GRID2: variants seen among roughly 807,000 people sequenced by gnomAD.
The protein encoded by GRID2 is glutamate receptor ionotropic, delta-2.
Under a neutral mutation model 114.8 loss-of-function variants are expected in GRID2, and 33 were observed. The observed-to-expected ratio is 0.29, with a 90% CI of 0.22 to 0.38. The LOEUF (loss-of-function observed/expected upper bound fraction) is 0.38. GRID2 is among the 10% of genes least tolerant of loss of function. GRID2 has a pLI of 1.00. For missense variants in GRID2, 1,184 were observed against 1,257.7 expected (o/e 0.94, Z 0.89); for synonymous variants, 505 against 449.9 (o/e 1.12, Z -1.55).
At chr4:92,701,270 T>C (rs1176733654) in intron 2 of GRID2, among the ~76,000 whole-genome samples, 1 of 152,190 alleles carries the variant, frequency 6.6e-6, no homozygotes, top group East Asian at 1.9e-4. Context: ...CTTAAATCGT[T>C]CCTAGAACTC....
At chr4:93,319,896 A>G (rs1279759602) in intron 8 of GRID2, 1 of 152,120 alleles carries the variant, frequency 6.6e-6, no homozygotes, top group Non-Finnish European at 1.5e-5. Context: ...CCTACCCAAT[A>G]CCTTAATTTC....
intron 2 of GRID2, among the ~76,000 whole-genome samples, chr4:92,946,789 C>A (rs1751669141): frequency 6.6e-6 from 1 of 152,026 alleles, no homozygotes; most frequent in Non-Finnish European, 1.5e-5. Context: ...CTTGGTAAAG[C>A]ACTGGTTTTT....
At chr4:93,204,327 A>C (rs144709635) in intron 4 of GRID2, among the ~76,000 whole-genome samples, 1 of 152,144 alleles carries the variant, frequency 6.6e-6, no homozygotes, top group Admixed American at 6.6e-5. Context: ...ATTAAGACAT[A>C]CAGGACTCAT....
chr4:93,133,754 T>C (rs1228678187), intron 4 of GRID2, among the ~76,000 whole-genome samples: 1 of 152,026 alleles, frequency 6.6e-6, no homozygotes, highest in Non-Finnish European at 1.5e-5. Context: ...TATGCACGGG[T>C]GAAGAAAGCC....
intron 2 of GRID2, among the ~76,000 whole-genome samples, chr4:92,760,250 A>C (rs1382349702): frequency 2.6e-5 from 4 of 151,284 alleles, no homozygotes; most frequent in Non-Finnish European, 5.9e-5. Context: ...AAAAAAAAAA[A>C]AAAAAAAAAA....
chr4:92,698,052 T>C (rs914785959), intron 2 of GRID2, among the ~76,000 whole-genome samples: 1 of 152,148 alleles, frequency 6.6e-6, no homozygotes, highest in African/African-American at 2.4e-5. Flanking sequence ...TGTAAAGAAA[T>C]GCATAGTAAC....
rs1177136865 is a variant in GRID2, at chr4:92,460,539, A to G, written c.89-129592A>G. Among the ~76,000 whole-genome samples the G allele has an allele frequency of 5.3e-5, 8 of 152,170 alleles. No homozygotes were observed. In the South Asian group the frequency reaches 1.0e-3, roughly 20 times the overall value. ...GACTCTTACAATTGTTATTTCTGAT[A>G]CTGATAGAATTTTTGTCTCAAATAA... On this transcript the variant is annotated intron_variant, in intron 1 of 15. Transcript: ENST00000282020.
chr4:92,985,057 A>G (rs1052539184), intron 2 of GRID2, among the ~76,000 whole-genome samples: 1 of 152,022 alleles, frequency 6.6e-6, no homozygotes, highest in African/African-American at 2.4e-5. Context: ...ATGAGGGGGA[A>G]GTTTTTGAGA....
intron 1 of GRID2, among the ~76,000 whole-genome samples, chr4:92,341,401 G>A: frequency 6.6e-6 from 1 of 152,068 alleles, no homozygotes; most frequent in Non-Finnish European, 1.5e-5. Flanking sequence ...AGGCTTCAGA[G>A]ATTTTTTTCA....
intron 2 of GRID2, among the ~76,000 whole-genome samples, chr4:92,766,093 A>T (rs537643730): frequency 2.9e-4 from 44 of 152,326 alleles, no homozygotes; most frequent in Non-Finnish European, 4.6e-4. Context: ...TTCATAGCCT[A>T]CAGTCAATAC....
intron 1 of GRID2, among the ~76,000 whole-genome samples, chr4:92,471,996 G>T (rs1465989865): frequency 8.7e-6 from 1 of 115,522 alleles, no homozygotes; most frequent in African/African-American, 3.8e-5. Flanking sequence ...TGCAGTGGCG[G>T]GATCTCGGCT....
intron 2 of GRID2, among the ~76,000 whole-genome samples, chr4:92,814,974 A>G (rs1740822163): frequency 6.6e-6 from 1 of 152,114 alleles, no homozygotes; most frequent in Admixed American, 6.6e-5. Flanking sequence ...AGAAATATTT[A>G]TCAAACCCAT....
intron 3 of GRID2, among the ~76,000 whole-genome samples, chr4:93,100,937 A>C (rs1452183636): frequency 6.6e-6 from 1 of 152,016 alleles, no homozygotes; most frequent in Non-Finnish European, 1.5e-5. Flanking sequence ...TTGCAACTGT[A>C]GTTTGGAAAA....
chr4:93,457,660 G>A (rs935642353), intron 11 of GRID2, among the ~76,000 whole-genome samples: 1 of 152,186 alleles, frequency 6.6e-6, no homozygotes, highest in Non-Finnish European at 1.5e-5. Context: ...GAGTCAAGAG[G>A]AGAGTATTGA....
At chr4:93,055,923 CT>C in intron 2 of GRID2, among the ~76,000 whole-genome samples, 1 of 151,898 alleles carries the variant, frequency 6.6e-6, no homozygotes, top group East Asian at 1.9e-4. Flanking sequence ...AAAGAACCCC[CT>C]TTATGCTCCC....
rs183381936 is a variant in GRID2 at position 93,000,781 on chromosome 4, A to T, written c.245-84214A>T. Among the ~76,000 whole-genome samples, 625 of 145,716 alleles carry T rather than the reference A, an allele frequency of 4.3e-3. 7 individuals are homozygous for T. Among genetic ancestry groups the T allele is most frequent in the African/African-American group, 0.015 (605 of 40,276 alleles). On this transcript the variant is annotated intron_variant, in intron 2 of 15. Coordinates refer to ENST00000282020, the MANE Select transcript of GRID2 (RefSeq NM_001510.4). ...GGGTACACATGGACATAAAGATGGA[A>T]ATAATAGACACTGGGGACTCTAAAA...
intron 14 of GRID2, among the ~76,000 whole-genome samples, chr4:93,713,918 A>G (rs1190045030): frequency 6.6e-6 from 1 of 152,050 alleles, no homozygotes; most frequent in African/African-American, 2.4e-5. Flanking sequence ...GCTTTTTCTT[A>G]TACTTTGCCA....
chr4:93,400,355 A>G (rs140809088), intron 9 of GRID2, among the ~76,000 whole-genome samples: 1 of 152,134 alleles, frequency 6.6e-6, no homozygotes, highest in African/African-American at 2.4e-5. Flanking sequence ...AGCAGTCTCT[A>G]CTACTTGGTG....
At chr4:92,935,750 T>C (rs1338330946) in intron 2 of GRID2, among the ~76,000 whole-genome samples, 5 of 145,712 alleles carry the variant, frequency 3.4e-5, no homozygotes, top group Admixed American at 7.5e-5. Context: ...ATGGATGAAA[T>C]TGGAAATTAT....
Sources: allele counts gnomAD v4.1 joint callset (sites outside exome capture counted in the v4.1 genomes callset), GRCh38; gene constraint gnomAD v4.1.1; transcripts MANE v1.5; gene names NCBI Gene and HGNC (gene_info 2026-07-23, HGNC 2026-07-21).